The following USP19 variants were observed in gnomAD, a reference collection of about 807,000 sequenced individuals.
The protein encoded by USP19 is ubiquitin specific peptidase 19, also known as ubiquitin carboxyl-terminal hydrolase 19.
USP19 carries 40 observed loss-of-function variants against 144.8 expected under a neutral mutation model. That is an observed-to-expected ratio of 0.28 (90% CI 0.21 to 0.36). The LOEUF (loss-of-function observed/expected upper bound fraction) is 0.36. Among genes scored for constraint, USP19 ranks in the 10% least tolerant of loss-of-function variants. The probability of loss-of-function intolerance (pLI) is 1.00; values close to 1 mark genes in which losing one functional copy is unlikely to be tolerated. For missense variants in USP19, 1,518 were observed against 1,822.5 expected (o/e 0.83, Z 3.04); for synonymous variants, 701 against 709.3 (o/e 0.99, Z 0.19).
At position 49,116,248 on chromosome 3, in the gene USP19, C is replaced by T; in HGVS notation, c.1355+32G>A. The T allele has an allele frequency of 6.2e-7, 1 of 1,613,786 alleles. No homozygotes were observed. Among genetic ancestry groups the T allele is most frequent in the Non-Finnish European group, 8.5e-7 (1 of 1,179,894 alleles). ...GGGAGATGGAGCCCACGGGGTAGGA[C>T]AGGCACAGTGGTGGGGCCGGGCACC... On this transcript the variant is annotated intron_variant, in intron 9 of 26. Coordinates refer to ENST00000417901, the MANE Select transcript of USP19 (RefSeq NM_001199161.2). This position sits in a 1 kb window ranked among gnomAD's most constrained non-coding sequence, Gnocchi z 5.0.
In USP19 at chr3:49,117,330, G is replaced by T. The variant is rs773450413; in HGVS notation, c.638C>A (p.Pro213Gln). 6.3e-7 allele frequency: 1 copy of T among 1,587,416 alleles called. No individual in the cohort carries two copies. The highest frequency in any genetic ancestry group is 8.6e-7 in the Non-Finnish European group (1 of 1,163,782). The change falls in exon 6 of 27, where the codon CCG becomes CAG. Residue 213 changes from proline to glutamine, a missense_variant. Pro to Gln is a moderately conservative substitution (Grantham distance 76, BLOSUM62 -1). Coordinates refer to ENST00000417901, the MANE Select transcript of USP19 (RefSeq NM_001199161.2). This position sits in a 1 kb window ranked among gnomAD's most constrained non-coding sequence, Gnocchi z 4.4. ...CCCATTCTCCTGGCACCGCAGCCCC[G>T]GCACCAGCTCCTGGGTCCCTAGAGG... ...KKPLGTQELV[P>Q]GLRCQENGQE... is the part of the protein sequence containing the mutation.
At position 49,116,010 on chromosome 3, in the gene USP19, C is replaced by T. The variant is rs775613474; in HGVS notation, c.1471+37G>A. 5 of 1,575,822 alleles carry T rather than the reference C, an allele frequency of 3.2e-6. No individual in the cohort carries two copies. Among genetic ancestry groups the T allele is most frequent in the African/African-American group, 2.8e-5 (2 of 72,666 alleles). Reference sequence around the variant, plus strand: ...GTGACAGGGGTTTGGGTCCTGGTCACGTGGAACTGGGCAATGAAGGGAGCT... The same window carrying T: ...GTGACAGGGGTTTGGGTCCTGGTCATGTGGAACTGGGCAATGAAGGGAGCT... On this transcript the variant is annotated intron_variant, in intron 10 of 26. Coordinates refer to ENST00000417901, the MANE Select transcript of USP19 (RefSeq NM_001199161.2). The surrounding 1 kb of genome is among the most constrained non-coding windows in gnomAD (Gnocchi z 5.0).
At position 49,111,890 on chromosome 3, in the gene USP19, G is replaced by C; in HGVS notation, c.2903+21C>G. On this transcript the variant is annotated intron_variant, in intron 20 of 26. Coordinates refer to ENST00000417901, the MANE Select transcript of USP19 (RefSeq NM_001199161.2). This position sits in a 1 kb window ranked among gnomAD's most constrained non-coding sequence, Gnocchi z 5.9. ...CTCTGCCCCCACCTACACCACTCTAGTCCAACCACTGGGCACTTACCGGGC... is the reference window on the plus strand; with the variant it reads ...CTCTGCCCCCACCTACACCACTCTACTCCAACCACTGGGCACTTACCGGGC... 1 of 1,613,532 alleles carries C rather than the reference G, an allele frequency of 6.2e-7. No individual in the cohort carries two copies. Among genetic ancestry groups the C allele is most frequent in the Non-Finnish European group, 8.5e-7 (1 of 1,179,730 alleles).
chr3:49,113,865 A>G, intron 17 of USP19, 127 bp downstream of exon 17: 2 of 1,010,196 alleles, frequency 2.0e-6, no homozygotes, highest in Non-Finnish European at 2.9e-6. Context: ...AAGTGCTGGG[A>G]CTACAGGCAT....
Position 49,111,398 on chromosome 3 carries a change from G to A in USP19, c.3218-33C>T, listed in dbSNP as rs757697248. On this transcript the variant is annotated intron_variant, in intron 21 of 26. Coordinates refer to ENST00000417901, the MANE Select transcript of USP19 (RefSeq NM_001199161.2). This position sits in a 1 kb window ranked among gnomAD's most constrained non-coding sequence, Gnocchi z 5.9. ...AGAACATGATAATCAAAGCTTCCCT[G>A]CCCATCAGGGCCTCACCAGGCCCAC... 1.9e-6 allele frequency: 3 copies of A among 1,613,752 alleles called. No homozygotes were observed. The South Asian group carries it at 3.3e-5, about 18-fold the overall frequency.
At position 49,111,069 on chromosome 3, in the gene USP19, C is replaced by A. The variant is rs965620938; in HGVS notation, c.3426G>T (p.Glu1142Asp). Residue 1142 changes from glutamate to aspartate, a missense_variant, in exon 23 of 27, where the codon GAG becomes GAT. Glu to Asp is a conservative substitution (Grantham distance 45). Transcript: ENST00000417901. The surrounding 1 kb of genome is among the most constrained non-coding windows in gnomAD (Gnocchi z 5.9). Reference protein sequence around the residue: ...LQEFVLVASKELECAEDPGSA... With the variant: ...LQEFVLVASKDLECAEDPGSA... ...AGCCTGGATCCTCAGCACATTCCAG[C>A]TCCTTGGAGGCTACCAACACAAACT... The A allele has an allele frequency of 7.4e-6, 12 of 1,613,938 alleles. No individual in the cohort carries two copies. The Admixed American group carries it at 1.2e-4, about 16-fold the overall frequency.
At position 49,118,040 on chromosome 3, in the gene USP19, C is replaced by A. The variant is rs1334265843; in HGVS notation, c.205G>T (p.Ala69Ser). 1.0e-5 allele frequency: 16 copies of A among 1,598,458 alleles called. No homozygotes were observed. The highest frequency in any genetic ancestry group is 1.4e-5 in the Non-Finnish European group (16 of 1,176,262). Residue 69 changes from alanine to serine, a missense_variant, in exon 3 of 27, where the codon GCT becomes TCT. By Grantham distance (99) the Ala-to-Ser change is moderately conservative. Transcript: ENST00000417901. Reference sequence around the variant, plus strand: ...CGGTGGCGTGAGCCTGTGATCCCAGCTGCATGGGAGGCTGAGGCAGAAGGA... The same window carrying A: ...CGGTGGCGTGAGCCTGTGATCCCAGATGCATGGGAGGCTGAGGCAGAAGGA... ...GDPSASASHA[A>S]GITGSRHRTR...
Position 49,111,210 on chromosome 3 carries a change from G to A in USP19, c.3329-44C>T, listed in dbSNP as rs1196480444. The A allele has an allele frequency of 6.2e-7, 1 of 1,614,028 alleles. No individual in the cohort carries two copies. The highest frequency in any genetic ancestry group is 8.5e-7 in the Non-Finnish European group (1 of 1,179,968). ...AGAGGTCATGCAGCTGTGGAGAACA[G>A]CCAGCTCAACCCACCCCATGGCTCC... On this transcript the variant is annotated intron_variant, in intron 22 of 26. Transcript: ENST00000417901. This position sits in a 1 kb window ranked among gnomAD's most constrained non-coding sequence, Gnocchi z 5.9.
At position 49,112,736 on chromosome 3, in the gene USP19, G is replaced by A; in HGVS notation, c.2506-107C>T. 6.8e-7 allele frequency: 1 copy of A among 1,471,020 alleles called. No homozygotes were observed. The highest frequency in any genetic ancestry group is 2.3e-5 in the Admixed American group (1 of 43,636). The allele number at this position is 1,471,020 out of a possible 1,614,324, so 91.1% of individuals were successfully genotyped here. On this transcript the variant is annotated intron_variant, in intron 17 of 26. Transcript: ENST00000417901. This position sits in a 1 kb window ranked among gnomAD's most constrained non-coding sequence, Gnocchi z 4.9. ...CTGCCTTGGGTCTATGTGGGCAGTGGTGAGGTCTGTAGGCCCAAATAGGCT... is the reference window on the plus strand; with the variant it reads ...CTGCCTTGGGTCTATGTGGGCAGTGATGAGGTCTGTAGGCCCAAATAGGCT...
rs2043009464 is a variant in USP19 at position 49,110,671 on chromosome 3, C to T, written c.3698+40G>A. The T allele has an allele frequency of 6.2e-7, 1 of 1,611,438 alleles. No homozygotes were observed. Among genetic ancestry groups the T allele is most frequent in the African/African-American group, 1.3e-5 (1 of 74,886 alleles). On this transcript the variant is annotated intron_variant, in intron 24 of 26. Transcript: ENST00000417901. This position sits in a 1 kb window ranked among gnomAD's most constrained non-coding sequence, Gnocchi z 6.1. ...AGGCGCTCAGGATGCCCATCCTGGTCCTCACACCCCACCCACAGTTACCAA... is the reference window on the plus strand; with the variant it reads ...AGGCGCTCAGGATGCCCATCCTGGTTCTCACACCCCACCCACAGTTACCAA...
Position 49,116,366 on chromosome 3 carries a change from C to G in USP19, c.1284-15G>C. The G allele has an allele frequency of 6.2e-7, 1 of 1,614,044 alleles. No individual in the cohort carries two copies. Among genetic ancestry groups the G allele is most frequent in the Non-Finnish European group, 8.5e-7 (1 of 1,180,020 alleles). ...AGTTTCCATCCCTGCAGAGGCACAG[C>G]AGGATAGGAGGAAGGACAAGAGGAA... On this transcript the variant is annotated splice_polypyrimidine_tract_variant and intron_variant, in intron 8 of 26. Transcript: ENST00000417901. This position sits in a 1 kb window ranked among gnomAD's most constrained non-coding sequence, Gnocchi z 5.0.
Position 49,118,916 on chromosome 3 carries a change from C to T in USP19, c.124+106G>A, listed in dbSNP as rs945419375. 6 of 1,533,486 alleles carry T rather than the reference C, an allele frequency of 3.9e-6. No individual in the cohort carries two copies. The African/African-American group carries it at 6.8e-5, about 17-fold the overall frequency. 95.0% of individuals were successfully genotyped at this position (1,533,486 alleles called of 1,614,324 possible). A position where few individuals can be genotyped will look rare whatever the true frequency, so the allele number is the denominator to read the frequency against. On this transcript the variant is annotated intron_variant, in intron 2 of 26. Transcript: ENST00000417901. ...GGTCCTTCTTCTCTCATCATCAAACCAGGACAGAGAGAAGAACAAGAAAGT... is the reference window on the plus strand; with the variant it reads ...GGTCCTTCTTCTCTCATCATCAAACTAGGACAGAGAGAAGAACAAGAAAGT...
Position 49,108,521 on chromosome 3 carries a change from C to T in USP19, c.4046G>A (p.Gly1349Asp). 3 of 1,249,212 alleles carry T rather than the reference C, an allele frequency of 2.4e-6. No homozygotes were observed. Among genetic ancestry groups the T allele is most frequent in the Non-Finnish European group, 3.1e-6 (3 of 972,942 alleles). 77.4% of individuals were successfully genotyped at this position (1,249,212 alleles called of 1,614,324 possible). A position where few individuals can be genotyped will look rare whatever the true frequency, so the allele number is the denominator to read the frequency against. Residue 1349 changes from glycine to aspartate, a missense_variant, in exon 27 of 27, where the codon GGC becomes GAC. Coordinates refer to ENST00000417901, the MANE Select transcript of USP19 (RefSeq NM_001199161.2). The surrounding 1 kb of genome is among the most constrained non-coding windows in gnomAD (Gnocchi z 4.8). ...GGCCACCTCGGGGGCCTGGCCAGGG[C>T]CTAGTCCCTGCAACAGAATACGAGG... Reference protein sequence around the residue: ...AAEAAASQGLGPGQAPEVAPT... With the variant: ...AAEAAASQGLDPGQAPEVAPT...
chr3:49,111,847 G>A lies in USP19; in HGVS notation c.2904-34C>T, dbSNP rs769309596. ...AGAGAACAACGCAAGTAAGACTCCT[G>A]ACCAGCCCATCTAGCACCTCTGCCC... On this transcript the variant is annotated intron_variant, in intron 20 of 26. Coordinates refer to ENST00000417901, the MANE Select transcript of USP19 (RefSeq NM_001199161.2). This position sits in a 1 kb window ranked among gnomAD's most constrained non-coding sequence, Gnocchi z 5.9. 4 of 1,595,752 alleles carry A rather than the reference G, an allele frequency of 2.5e-6. No individual in the cohort carries two copies. The highest frequency in any genetic ancestry group is 3.4e-5 in the Admixed American group (2 of 58,380).
In USP19 at chr3:49,114,087, C is replaced by T. The variant is rs774292691; in HGVS notation, c.2410G>A (p.Val804Met). The change falls in exon 17 of 27, where the codon GTG (valine) becomes ATG (methionine). Residue 804 changes from valine to methionine, a missense_variant. Transcript: ENST00000417901. This position sits in a 1 kb window ranked among gnomAD's most constrained non-coding sequence, Gnocchi z 4.5. ...GTGGAGTTCTCCTTGCTGACGCTCA[C>T]CAGGAACTGTGGCAAAAAGGGCAGT... ...EPHSKPIKFL[V>M]SVSKENSTAS... 111 of 1,614,106 alleles carry T rather than the reference C, an allele frequency of 6.9e-5. No individual in the cohort carries two copies. Among genetic ancestry groups the T allele is most frequent in the Non-Finnish European group, 8.8e-5 (104 of 1,180,048 alleles).
chr3:49,114,384 G>A lies in USP19; in HGVS notation c.2293-100C>T. The A allele has an allele frequency of 1.8e-6, 2 of 1,103,598 alleles. No individual in the cohort carries two copies. The highest frequency in any genetic ancestry group is 1.3e-6 in the Non-Finnish European group (1 of 758,932). The allele number at this position is 1,103,598 out of a possible 1,614,324, so 68.4% of individuals were successfully genotyped here. ...TCCGGGGCTTCTGATGGCTCTCAGGGCCCCCACAGCCAACCAGCAAACTCT... is the reference window on the plus strand; with the variant it reads ...TCCGGGGCTTCTGATGGCTCTCAGGACCCCCACAGCCAACCAGCAAACTCT... On this transcript the variant is annotated intron_variant, in intron 15 of 26. Transcript: ENST00000417901. This position sits in a 1 kb window ranked among gnomAD's most constrained non-coding sequence, Gnocchi z 4.5.
At position 49,110,876 on chromosome 3, in the gene USP19, G is replaced by C; in HGVS notation, c.3546-13C>G. 2 of 1,614,146 alleles carry C rather than the reference G, an allele frequency of 1.2e-6. No individual in the cohort carries two copies. Among genetic ancestry groups the C allele is most frequent in the Non-Finnish European group, 1.7e-6 (2 of 1,180,008 alleles). On this transcript the variant is annotated splice_polypyrimidine_tract_variant and intron_variant, in intron 23 of 26. Coordinates refer to ENST00000417901, the MANE Select transcript of USP19 (RefSeq NM_001199161.2). This position sits in a 1 kb window ranked among gnomAD's most constrained non-coding sequence, Gnocchi z 6.1. ...CTGTGGGCAGTACCTGGTGGGGACA[G>C]AGATTGGGTCAGGACCAGCAAGTCT...
chr3:49,116,777 C>T lies in USP19; in HGVS notation c.1076G>A (p.Cys359Tyr). ...VRSRNPGKDD[C>Y]AKEEMAVAAD... ...TGCCACTGCCATCTCCTCCTTGGCA[C>T]AGTCATCTTTCCCAGGGTTTCTGCT... Residue 359 changes from cysteine to tyrosine, a missense_variant, in exon 7 of 27, where the codon TGT becomes TAT. Coordinates refer to ENST00000417901, the MANE Select transcript of USP19 (RefSeq NM_001199161.2). This position sits in a 1 kb window ranked among gnomAD's most constrained non-coding sequence, Gnocchi z 5.0. 1 of 1,613,860 alleles carries T rather than the reference C, an allele frequency of 6.2e-7. No homozygotes were observed. Among genetic ancestry groups the T allele is most frequent in the Non-Finnish European group, 8.5e-7 (1 of 1,179,912 alleles).
In USP19 at chr3:49,108,478, A is replaced by G; in HGVS notation, c.4089T>C (p.Pro1363=). 1 of 1,320,498 alleles carries G rather than the reference A, an allele frequency of 7.6e-7. No individual in the cohort carries two copies. Among genetic ancestry groups the G allele is most frequent in the Non-Finnish European group, 9.8e-7 (1 of 1,021,974 alleles). The allele number at this position is 1,320,498 out of a possible 1,614,324, so 81.8% of individuals were successfully genotyped here. ...GATCCACAGGGGGGGCGAAGCGTTC[A>G]GGGGCTGTCCGCGTGGGGGCCACCT... ...APEVAPTRTA[P]ERFAPPVDRP... The change falls in exon 27 of 27, where the codon CCT becomes CCC. Residue 1363 remains proline (P), a synonymous_variant. Coordinates refer to ENST00000417901, the MANE Select transcript of USP19 (RefSeq NM_001199161.2). This position sits in a 1 kb window ranked among gnomAD's most constrained non-coding sequence, Gnocchi z 4.8.
Sources: gnomAD v4.1 joint callset for allele counts on GRCh38, gnomAD v4.1.1 for gene constraint, Gnocchi (gnomAD v3.1) non-coding constraint, MANE v1.5 for transcripts, NCBI Gene and HGNC (gene_info 2026-07-23, HGNC 2026-07-21) for gene names.